NTN4: variants seen among roughly 807,000 people sequenced by gnomAD.
NTN4 encodes the protein netrin-4.
NTN4 carries 32 observed loss-of-function variants against 73.6 expected under a neutral mutation model. The observed-to-expected ratio is 0.44, with a 90% CI of 0.33 to 0.58. NTN4 has a LOEUF of 0.58. Ranked by LOEUF, NTN4 falls within the 20% of genes least tolerant of loss-of-function variation. The pLI, the probability that NTN4 is intolerant of heterozygous loss-of-function variation, is 0.04. For missense variants in NTN4, 654 were observed against 798.3 expected (o/e 0.82, Z 2.18); for synonymous variants, 258 against 287.5 (o/e 0.90, Z 1.04).
intron 8 of NTN4, among the ~76,000 whole-genome samples, chr12:95,666,206 T>C (rs1333755838): frequency 6.6e-6 from 1 of 152,146 alleles, no homozygotes; most frequent in East Asian, 1.9e-4. Context: ...TTCTCATTTG[T>C]AAGTGGGAGC....
At position 95,658,653 on chromosome 12, in the gene NTN4, G is replaced by C. The variant is rs890648526; in HGVS notation, c.*433C>G. Reference sequence around the variant, plus strand: ...ACCAAAGTTCATGCGTAACACACAAGAGAAGGCTCTTTAACAAACACCTTT... The same window carrying C: ...ACCAAAGTTCATGCGTAACACACAACAGAAGGCTCTTTAACAAACACCTTT... On this transcript the variant is annotated 3_prime_UTR_variant, in exon 10 of 10. Transcript: ENST00000343702. 1 of 153,768 alleles carries C rather than the reference G, an allele frequency of 6.5e-6. No homozygotes were observed. Among genetic ancestry groups the C allele is most frequent in the African/African-American group, 2.4e-5 (1 of 41,484 alleles). The allele number at this position is 153,768 out of a possible 1,614,324, so 9.5% of individuals were successfully genotyped here.
intron 2 of NTN4, among the ~76,000 whole-genome samples, chr12:95,753,494 A>G (rs377633792): frequency 1.4e-5 from 2 of 140,776 alleles, no homozygotes; most frequent in South Asian, 5.0e-4. Context: ...GAAGGCCACC[A>G]CAGTCATCTC....
At chr12:95,735,635 A>G (rs530668922) in intron 3 of NTN4, among the ~76,000 whole-genome samples, 2 of 152,268 alleles carry the variant, frequency 1.3e-5, no homozygotes, top group African/African-American at 4.8e-5. Flanking sequence ...AGTCTCCTTT[A>G]CTTGGTTATC....
chr12:95,729,638 T>A (rs150153554), intron 3 of NTN4, among the ~76,000 whole-genome samples: 24,247 of 126,056 alleles, frequency 0.19, 2,067 homozygotes, highest in South Asian at 0.25. Flanking sequence ...AGAGAGTGTG[T>A]GTGTGTGTGT....
chr12:95,677,560 TAAATG>T (rs990037425), intron 7 of NTN4, among the ~76,000 whole-genome samples: 51 of 152,030 alleles, frequency 3.4e-4, no homozygotes, highest in African/African-American at 1.2e-3. Flanking sequence ...AGCAAATAAA[TAAATG>T]AAAGATAAAA....
chr12:95,774,239 G>A (rs1266648636), intron 2 of NTN4, among the ~76,000 whole-genome samples: 1 of 150,658 alleles, frequency 6.6e-6, no homozygotes, highest in Non-Finnish European at 1.5e-5. Flanking sequence ...ATAACTTCAA[G>A]GCAAATTAAT....
At chr12:95,739,599 C>A (rs60565119) in intron 2 of NTN4, among the ~76,000 whole-genome samples, 9,622 of 152,202 alleles carry the variant, frequency 0.063, 978 homozygotes, top group African/African-American at 0.22. Flanking sequence ...AACGTGACCT[C>A]CAAACACTGA....
rs1228319116 is a variant in NTN4, at chr12:95,790,492, G to A, written c.-183C>T. ...TGGGAGCCAGGGGCCGGGACCGCGCGGGGAGGTGGGGTGACCCTCGCGCAC... is the reference window on the plus strand; with the variant it reads ...TGGGAGCCAGGGGCCGGGACCGCGCAGGGAGGTGGGGTGACCCTCGCGCAC... On this transcript the variant is annotated 5_prime_UTR_variant, in exon 1 of 10. Transcript: ENST00000343702. This position sits in a 1 kb window ranked among gnomAD's most constrained non-coding sequence, Gnocchi z 6.5. 2.4e-5 allele frequency: 11 copies of A among 462,556 alleles called. No individual in the cohort carries two copies. The highest frequency in any genetic ancestry group is 3.7e-5 in the Non-Finnish European group (10 of 268,420). The allele number at this position is 462,556 out of a possible 1,614,324, so 28.7% of individuals were successfully genotyped here. A position where few individuals can be genotyped will look rare whatever the true frequency, so the allele number is the denominator to read the frequency against.
rs762351453 is a variant in NTN4, at chr12:95,748,476, C to CT, written c.586-10333dup. Among the ~76,000 whole-genome samples the CT allele has an allele frequency of 3.6e-3, 383 of 105,916 alleles. 4 individuals are homozygous for CT. The highest frequency in any genetic ancestry group is 4.8e-3 in the African/African-American group (137 of 28,560). The allele number at this position is 105,916 out of a possible 152,430, so 69.5% of individuals were successfully genotyped here. A position where few individuals can be genotyped will look rare whatever the true frequency, so the allele number is the denominator to read the frequency against. ...TCCATAGTAAAACCTATTTTCTTTT[C>CT]TTTTTTTTTTTTTTTTTTTGAGATG... is the stretch of plus-strand genomic sequence containing the variant. On this transcript the variant is annotated intron_variant, in intron 2 of 9. Coordinates refer to ENST00000343702, the MANE Select transcript of NTN4 (RefSeq NM_021229.4).
intron 5 of NTN4, among the ~76,000 whole-genome samples, chr12:95,693,011 A>G (rs2078412717): frequency 1.3e-5 from 2 of 152,202 alleles, no homozygotes; most frequent in Admixed American, 1.3e-4. Flanking sequence ...CTAAAAAAAA[A>G]AAGGATATTA....
rs2079129606 is a variant in NTN4, at chr12:95,781,057, A to G, written c.585+5882T>C. ...AGCAAACTATTGCAAGGACAAAAAAACAAACACTGCATGTTCTCACTTATA... is the reference window on the plus strand; with the variant it reads ...AGCAAACTATTGCAAGGACAAAAAAGCAAACACTGCATGTTCTCACTTATA... On this transcript the variant is annotated intron_variant, in intron 2 of 9. Coordinates refer to ENST00000343702, the MANE Select transcript of NTN4 (RefSeq NM_021229.4). The surrounding 1 kb of genome is among the most constrained non-coding windows in gnomAD (Gnocchi z 4.1). 6.7e-6 allele frequency among the ~76,000 whole-genome samples: 1 copy of G among 149,196 alleles called. No homozygotes were observed. Among genetic ancestry groups the G allele is most frequent in the South Asian group, 2.2e-4 (1 of 4,608 alleles).
intron 3 of NTN4, among the ~76,000 whole-genome samples, chr12:95,731,273 T>C (rs1343999854): frequency 6.6e-6 from 1 of 152,038 alleles, no homozygotes; most frequent in Non-Finnish European, 1.5e-5. Context: ...CTTTATAAAA[T>C]ATAAAACAGC....
intron 2 of NTN4, among the ~76,000 whole-genome samples, chr12:95,748,473 T>G (rs2078878504): frequency 1.7e-5 from 2 of 120,080 alleles, no homozygotes. Flanking sequence ...CCTATTTTCT[T>G]TTCTTTTTTT....
At chr12:95,739,479 G>A (rs970104314) in intron 2 of NTN4, among the ~76,000 whole-genome samples, 7 of 152,098 alleles carry the variant, frequency 4.6e-5, no homozygotes, top group Non-Finnish European at 1.0e-4. Context: ...TCAAAAGTCA[G>A]TACAGAAGTA....
chr12:95,772,646 A>G (rs1000125810), intron 2 of NTN4, among the ~76,000 whole-genome samples: 4 of 152,168 alleles, frequency 2.6e-5, no homozygotes, highest in Admixed American at 1.3e-4. Flanking sequence ...CATCTTCTCT[A>G]TCTCAGTAAA....
intron 3 of NTN4, among the ~76,000 whole-genome samples, chr12:95,724,274 G>A (rs535873202): frequency 4.6e-5 from 7 of 152,174 alleles, no homozygotes; most frequent in Non-Finnish European, 1.0e-4. Context: ...ATTTAGATAA[G>A]ATCATACTGT....
intron 6 of NTN4, 112 bp downstream of exon 6, chr12:95,683,386 G>T (rs374585484): frequency 2.0e-6 from 2 of 997,606 alleles, no homozygotes; most frequent in Non-Finnish European, 3.0e-6. Context: ...TAAAAGAGAT[G>T]TGCAAATACA....
intron 2 of NTN4, among the ~76,000 whole-genome samples, chr12:95,741,384 T>C (rs1237115444): frequency 7.1e-6 from 1 of 141,680 alleles, no homozygotes; most frequent in Non-Finnish European, 1.5e-5. Flanking sequence ...TTATCATAGG[T>C]ATGTATGTAT....
rs538768794 is a variant in NTN4 at position 95,760,857 on chromosome 12, A to C, written c.586-22713T>G. On this transcript the variant is annotated intron_variant, in intron 2 of 9. Coordinates refer to ENST00000343702, the MANE Select transcript of NTN4 (RefSeq NM_021229.4). ...TGTCAGAAGTGAGACAAAAGGAAAA[A>C]TCAATCTGATTTTAAGGAGATTAGT... Among the ~76,000 whole-genome samples the C allele has an allele frequency of 2.0e-5, 3 of 152,260 alleles. No individual in the cohort carries two copies. The South Asian group carries it at 6.2e-4, about 32-fold the overall frequency.
Sources: allele counts gnomAD v4.1 joint callset (sites outside exome capture counted in the v4.1 genomes callset), GRCh38; gene constraint gnomAD v4.1.1; non-coding constraint Gnocchi (gnomAD v3.1); transcripts MANE v1.5; gene names NCBI Gene and HGNC (gene_info 2026-07-23, HGNC 2026-07-21).